The following TRIO variants were observed in gnomAD, a reference collection of about 807,000 sequenced individuals.
TRIO encodes the protein triple functional domain protein.
TRIO carries 58 observed loss-of-function variants against 351.9 expected under a neutral mutation model. The observed-to-expected ratio is 0.16, with a 90% confidence interval of 0.13 to 0.21. The LOEUF is 0.21. Among genes scored for constraint, TRIO ranks in the 10% least tolerant of loss-of-function variants. The pLI, the probability that TRIO is intolerant of heterozygous loss-of-function variation, is 1.00. For synonymous variants in TRIO, 1,758 were observed against 1,595.7 expected, an observed-to-expected ratio of 1.10 and a Z score of -2.42; for missense variants, 3,201 against 4,027.8, an observed-to-expected ratio of 0.79 and a Z score of 5.56.
chr5:14,266,696 G>C (rs1314610383), intron 1 of TRIO, among the ~76,000 whole-genome samples: 2 of 152,126 alleles, frequency 1.3e-5, no homozygotes, highest in Admixed American at 6.5e-5. Context: ...AGTTTTTTGT[G>C]TGTTGGCTTG....
chr5:14,335,099 C>T (rs1741274741), intron 10 of TRIO, among the ~76,000 whole-genome samples: 1 of 152,206 alleles, frequency 6.6e-6, no homozygotes, highest in South Asian at 2.1e-4. Flanking sequence ...ATGCGAATAG[C>T]TCCAATTCCA....
chr5:14,171,778 C>T (rs543605895), intron 1 of TRIO, among the ~76,000 whole-genome samples: 3 of 151,968 alleles, frequency 2.0e-5, no homozygotes, highest in Admixed American at 6.5e-5. Context: ...CAGGAAGGAG[C>T]GGGGTGGGGG....
chr5:14,346,069 C>CT (rs1742389201), intron 11 of TRIO, among the ~76,000 whole-genome samples: 2 of 152,194 alleles, frequency 1.3e-5, no homozygotes, highest in African/African-American at 2.4e-5. Flanking sequence ...AATGTATTAG[C>CT]TAGAGTTTTG....
chr5:14,226,178 T>C (rs1793011625), intron 1 of TRIO, among the ~76,000 whole-genome samples: 1 of 152,092 alleles, frequency 6.6e-6, no homozygotes, highest in Non-Finnish European at 1.5e-5. Context: ...GATGGGTGGG[T>C]CTTCATGGGA....
intron 34 of TRIO, among the ~76,000 whole-genome samples, chr5:14,454,653 C>G (rs550585449): frequency 6.6e-6 from 1 of 152,310 alleles, no homozygotes; most frequent in Admixed American, 6.5e-5. Flanking sequence ...ACGCTGCCTG[C>G]TGGCAGCTGG....
At chr5:14,324,080 A>G (rs1026491417) in intron 9 of TRIO, among the ~76,000 whole-genome samples, 4 of 152,226 alleles carry the variant, frequency 2.6e-5, no homozygotes, top group Non-Finnish European at 5.9e-5. Flanking sequence ...TTTCTCTATC[A>G]GTTTCCCCAG....
intron 33 of TRIO, among the ~76,000 whole-genome samples, chr5:14,415,260 G>A (rs1018184653): frequency 1.3e-5 from 2 of 152,134 alleles, no homozygotes; most frequent in Non-Finnish European, 2.9e-5. Context: ...TTAGACTCTT[G>A]TTCTTGAAGT....
At chr5:14,194,630 CTG>C (rs1480189292) in intron 1 of TRIO, among the ~76,000 whole-genome samples, 1 of 152,196 alleles carries the variant, frequency 6.6e-6, no homozygotes, top group African/African-American at 2.4e-5. Context: ...AGGCATATCT[CTG>C]AATATTTAGT....
intron 11 of TRIO, among the ~76,000 whole-genome samples, chr5:14,340,388 C>T (rs1389924799): frequency 1.4e-5 from 2 of 139,176 alleles, no homozygotes; most frequent in African/African-American, 5.3e-5. Context: ...CAGAGCAAGA[C>T]TCCGTCTGGA....
At chr5:14,444,651 A>C (rs1178379347) in intron 34 of TRIO, among the ~76,000 whole-genome samples, 1 of 152,234 alleles carries the variant, frequency 6.6e-6, no homozygotes, top group Admixed American at 6.5e-5. Context: ...CAAAATCTAC[A>C]TTGAAGGTTC....
chr5:14,186,974 G>GTTATA (rs1307391463), intron 1 of TRIO, among the ~76,000 whole-genome samples: 1 of 152,158 alleles, frequency 6.6e-6, no homozygotes, highest in African/African-American at 2.4e-5. Context: ...GGTGGATAAC[G>GTTATA]TTATATTAAT....
At chr5:14,503,853 G>C (rs1236966627) in intron 54 of TRIO, among the ~76,000 whole-genome samples, 2 of 152,234 alleles carry the variant, frequency 1.3e-5, no homozygotes, top group Non-Finnish European at 2.9e-5. Context: ...GCCCCCACCT[G>C]AGGTCCAAGG....
At position 14,461,423 on chromosome 5, in the gene TRIO, T is replaced by TA. The variant is rs1753802217; in HGVS notation, c.5496+113dup. 3 of 1,344,972 alleles carry TA rather than the reference T, an allele frequency of 2.2e-6. No individual in the cohort carries two copies. In the South Asian group the frequency reaches 4.9e-5, roughly 22 times the overall value. The allele number at this position is 1,344,972 out of a possible 1,614,324, so 83.3% of individuals were successfully genotyped here. On this transcript the variant is annotated intron_variant, in intron 35 of 56. Coordinates refer to ENST00000344204, the MANE Select transcript of TRIO (RefSeq NM_007118.4). ...CTGGTTTGGTTCTGTTTTCCGCACT[T>TA]ACTCAGAAATTACCATTCAAGTCTC... is the stretch of plus-strand genomic sequence containing the variant.
chr5:14,277,257 A>G (rs943382332), intron 2 of TRIO, among the ~76,000 whole-genome samples: 10 of 152,236 alleles, frequency 6.6e-5, no homozygotes, highest in African/African-American at 2.4e-4. Flanking sequence ...TTAGAGAAAT[A>G]AGATTGGTTA....
At position 14,491,741 on chromosome 5, in the gene TRIO, G is replaced by A. The variant is rs1293175614; in HGVS notation, c.7633-826G>A. ...GCTGCATGTCAGCCCTGTGACTGAA[G>A]AGATCGGGTCCCACAGGGGCAGCGG... On this transcript the variant is annotated intron_variant, in intron 48 of 56. Transcript: ENST00000344204. Among the ~76,000 whole-genome samples, 11 of 152,174 alleles carry A rather than the reference G, an allele frequency of 7.2e-5. 1 individual carries two copies. The highest frequency in any genetic ancestry group is 7.2e-4 in the Admixed American group (11 of 15,278).
chr5:14,397,114 G>A lies in TRIO; in HGVS notation c.4383G>A (p.Pro1461=), dbSNP rs201002918. The change falls in exon 29 of 57, where the codon CCG becomes CCA. Residue 1461 remains proline, a synonymous_variant. Coordinates refer to ENST00000344204, the MANE Select transcript of TRIO (RefSeq NM_007118.4). ...KDGLEVMLSV[P]KRANDAMHLS... is the part of the protein sequence containing the mutation. ...GCCTGGAGGTGATGCTCAGCGTGCC[G>A]AAGCGAGCCAATGATGCCATGCACC... is the stretch of plus-strand genomic sequence containing the variant. 18 of 1,608,994 alleles carry A rather than the reference G, an allele frequency of 1.1e-5. No homozygotes were observed. In the African/African-American group the frequency reaches 1.2e-4, roughly 11 times the overall value.
chr5:14,459,761 G>C (rs1270502966), intron 34 of TRIO, among the ~76,000 whole-genome samples: 1 of 151,862 alleles, frequency 6.6e-6, no homozygotes, highest in Non-Finnish European at 1.5e-5. Context: ...AGAAAAATTG[G>C]ATTTTTTTTC....
At chr5:14,449,625 C>T (rs1227512225) in intron 34 of TRIO, among the ~76,000 whole-genome samples, 2 of 152,216 alleles carry the variant, frequency 1.3e-5, no homozygotes, top group Non-Finnish European at 2.9e-5. Flanking sequence ...CTAAAGCATT[C>T]CTGAGCCTCA....
rs1445291443 is a variant in TRIO at position 14,397,164 on chromosome 5, C to T, written c.4423+10C>T. ...CTCAGCATGCTGGAAGGTAAAGGACCCTCCATACCCCAGTGTGCATCTATG... is the reference window on the plus strand; with the variant it reads ...CTCAGCATGCTGGAAGGTAAAGGACTCTCCATACCCCAGTGTGCATCTATG... On this transcript the variant is annotated intron_variant, in intron 29 of 56. Coordinates refer to ENST00000344204, the MANE Select transcript of TRIO (RefSeq NM_007118.4). 6.3e-7 allele frequency: 1 copy of T among 1,589,650 alleles called. No homozygotes were observed. Among genetic ancestry groups the T allele is most frequent in the Non-Finnish European group, 8.6e-7 (1 of 1,167,132 alleles).
Sources: allele counts gnomAD v4.1 joint callset (sites outside exome capture counted in the v4.1 genomes callset), GRCh38; gene constraint gnomAD v4.1.1; transcripts MANE v1.5; gene names NCBI Gene and HGNC (gene_info 2026-07-23, HGNC 2026-07-21).